Variants in TBXAS1 observed in about 807,000 individuals in gnomAD.
TBXAS1 encodes the protein thromboxane-A synthase.
TBXAS1 carries 48 observed loss-of-function variants against 60.7 expected under a neutral mutation model. The ratio of observed to expected loss-of-function variants is 0.79; its 90% CI spans 0.63 to 1.01. The LOEUF is 1.01. Among genes scored for constraint, TBXAS1 ranks in the 50% least tolerant of loss-of-function variants. TBXAS1 has a pLI of 0.00. For missense variants in TBXAS1, 685 were observed against 686.3 expected, an observed-to-expected ratio of 1.00 and a Z score of 0.02; for synonymous variants, 287 against 269.7, an observed-to-expected ratio of 1.06 and a Z score of -0.63.
intron 3 of TBXAS1, among the ~76,000 whole-genome samples, chr7:139,892,765 C>T (rs1035679013): frequency 6.6e-6 from 1 of 152,180 alleles, no homozygotes; most frequent in African/African-American, 2.4e-5. Context: ...CCTTGGTGTT[C>T]TTGTAGCCAG....
intron 10 of TBXAS1, among the ~76,000 whole-genome samples, chr7:140,012,678 C>T (rs1289148253): frequency 2.0e-5 from 3 of 151,934 alleles, no homozygotes; most frequent in Non-Finnish European, 4.4e-5. Flanking sequence ...AGGCTGGTCT[C>T]CAGCTCCTGA....
chr7:139,857,005 G>T (rs1460937510), intron 1 of TBXAS1, among the ~76,000 whole-genome samples: 3 of 152,154 alleles, frequency 2.0e-5, no homozygotes, highest in African/African-American at 4.8e-5. Flanking sequence ...TAGAAGGAGT[G>T]TGTCTGACTC....
intron 4 of TBXAS1, chr7:139,913,805 C>T (rs1049620307): frequency 1.3e-5 from 2 of 152,354 alleles, no homozygotes; most frequent in Admixed American, 1.3e-4. Context: ...TTCAAGTTCC[C>T]TAGACGATAT....
At chr7:139,841,482 C>CTT (rs5887936) in intron 1 of TBXAS1, among the ~76,000 whole-genome samples, 3 of 146,416 alleles carry the variant, frequency 2.0e-5, no homozygotes, top group African/African-American at 7.6e-5. Flanking sequence ...ATCTATTTCC[C>CTT]TTTTTTTTTT....
intron 8 of TBXAS1, among the ~76,000 whole-genome samples, chr7:139,959,638 T>A (rs1294633117): frequency 6.6e-6 from 1 of 152,186 alleles, no homozygotes; most frequent in East Asian, 1.9e-4. Context: ...GCAGTCTGTC[T>A]GGGCTGGGAT....
chr7:139,789,218 C>G (rs1797299801), intron 4 of TBXAS1: 1 of 150,598 alleles, frequency 6.6e-6, no homozygotes, highest in Non-Finnish European at 1.5e-5. Flanking sequence ...TTTAATCTCT[C>G]TCTCTCTCTC....
At chr7:140,016,618 T>A (rs1815096125) in intron 11 of TBXAS1, 1 of 159,842 alleles carries the variant, frequency 6.3e-6, no homozygotes, top group African/African-American at 2.4e-5. Context: ...ATTCACGTGA[T>A]CCACTGGTTG....
intron 9 of TBXAS1, among the ~76,000 whole-genome samples, chr7:139,971,922 C>A (rs1021589712): frequency 2.6e-5 from 4 of 152,160 alleles, no homozygotes; most frequent in African/African-American, 9.7e-5. Context: ...ATCTTCTCTG[C>A]TCCTGCTCCA....
chr7:139,917,926 G>A (rs1806133837), intron 4 of TBXAS1, among the ~76,000 whole-genome samples: 1 of 152,194 alleles, frequency 6.6e-6, no homozygotes, highest in Admixed American at 6.5e-5. Flanking sequence ...GTAGAAATAA[G>A]TGTGTAAACC....
At position 139,993,888 on chromosome 7, in the gene TBXAS1, CT is replaced by C. The variant is rs1297350500; in HGVS notation, c.1135-13200del. ...TTTGCTTTGCTTTTTCTTTTTCTTT[CT>C]TTCTTTTTTTTTTTTTTTTTTTTGA... is the stretch of plus-strand genomic sequence containing the variant. On this transcript the variant is annotated intron_variant, in intron 9 of 12. Transcript: ENST00000448866. 2.9e-5 allele frequency among the ~76,000 whole-genome samples: 4 copies of C among 137,730 alleles called. No homozygotes were observed. In the Admixed American group the frequency reaches 3.0e-4, roughly 10 times the overall value. The allele number at this position is 137,730 out of a possible 152,430, so 90.4% of individuals were successfully genotyped here.
intron 3 of TBXAS1, among the ~76,000 whole-genome samples, chr7:139,893,325 GACACACACACACACACACACAC>G (rs71170920): frequency 2.9e-5 from 4 of 139,880 alleles, no homozygotes; most frequent in South Asian, 4.9e-4. Context: ...CTATGGAATA[GACACACACACACACACACACAC>G]ACACACACAC....
intron 9 of TBXAS1, among the ~76,000 whole-genome samples, 187 bp from the exon 10 acceptor site, chr7:140,006,904 A>G (rs1219710307): frequency 6.6e-6 from 1 of 152,226 alleles, no homozygotes; most frequent in Non-Finnish European, 1.5e-5. Context: ...ACCGTGAAAT[A>G]TAAGCACAAT....
intron 4 of TBXAS1, among the ~76,000 whole-genome samples, chr7:139,792,744 T>C (rs569468298): frequency 6.6e-6 from 1 of 152,330 alleles, no homozygotes; most frequent in Admixed American, 6.5e-5. Flanking sequence ...TCAACCCTAC[T>C]ACATCCAAGT....
chr7:139,825,598 G>A (rs1425542440), upstream of TBXAS1, among the ~76,000 whole-genome samples: 2 of 152,222 alleles, frequency 1.3e-5, no homozygotes, highest in Non-Finnish European at 2.9e-5. Context: ...TGAGCAGGGT[G>A]GGAGCTGTGC....
At chr7:139,827,075 A>G (rs561227491), upstream of TBXAS1, among the ~76,000 whole-genome samples, 1 of 152,134 alleles carries the variant, frequency 6.6e-6, no homozygotes, top group African/African-American at 2.4e-5. Flanking sequence ...TTTCAAGTCC[A>G]TCTACTTCTT....
intron 4 of TBXAS1, among the ~76,000 whole-genome samples, chr7:139,814,263 A>G (rs915720186): frequency 2.6e-5 from 4 of 152,224 alleles, no homozygotes; most frequent in African/African-American, 7.2e-5. Context: ...TGTGGAGTAC[A>G]TGGTTCCAAC....
At chr7:139,984,114 C>T (rs972028755) in intron 9 of TBXAS1, among the ~76,000 whole-genome samples, 6 of 152,216 alleles carry the variant, frequency 3.9e-5, no homozygotes, top group South Asian at 2.1e-4. Context: ...AGCTGCTGGA[C>T]CCCTTACCCG....
At chr7:139,869,798 A>G (rs1420720908) in intron 1 of TBXAS1, among the ~76,000 whole-genome samples, 1 of 152,186 alleles carries the variant, frequency 6.6e-6, no homozygotes, top group Non-Finnish European at 1.5e-5. Context: ...TTTGGTGGTG[A>G]TACAATTCAA....
At chr7:139,997,698 G>A (rs987759684) in intron 9 of TBXAS1, among the ~76,000 whole-genome samples, 2 of 152,198 alleles carry the variant, frequency 1.3e-5, no homozygotes, top group Non-Finnish European at 2.9e-5. Context: ...AGAAGAAACT[G>A]GGGAGGAGCC....
Sources: gnomAD v4.1 joint callset for allele counts (sites outside exome capture counted in the v4.1 genomes callset) on GRCh38, gnomAD v4.1.1 for gene constraint, MANE v1.5 for transcripts, NCBI Gene and HGNC (gene_info 2026-07-23, HGNC 2026-07-21) for gene names.